CDKAL1: variants seen among roughly 807,000 people sequenced by gnomAD.
The protein encoded by CDKAL1 is CDKAL1 threonylcarbamoyladenosine tRNA methylthiotransferase.
A neutral mutation model predicts 68.2 loss-of-function variants in CDKAL1; 32 were observed. That is an observed-to-expected ratio of 0.47 (90% CI 0.35 to 0.63). The LOEUF (loss-of-function observed/expected upper bound fraction) is 0.63. CDKAL1 is among the 30% of genes least tolerant of loss of function. CDKAL1 has a pLI of 0.00. For synonymous variants in CDKAL1, 234 were observed against 244.3 expected (o/e 0.96, Z 0.39); for missense variants, 606 against 696.7 (o/e 0.87, Z 1.47).
chr6:21,118,183 C>G (rs1251865647), intron 13 of CDKAL1, among the ~76,000 whole-genome samples: 3 of 152,176 alleles, frequency 2.0e-5, no homozygotes, highest in Non-Finnish European at 4.4e-5. Flanking sequence ...TTCTTTGTAG[C>G]TGAAGTTGTT....
intron 15 of CDKAL1, among the ~76,000 whole-genome samples, chr6:21,225,579 C>T (rs1027844137): frequency 6.6e-6 from 1 of 152,130 alleles, no homozygotes; most frequent in Non-Finnish European, 1.5e-5. Context: ...ACTTCTATTC[C>T]TTCTGATAAC....
intron 5 of CDKAL1, among the ~76,000 whole-genome samples, chr6:20,714,236 C>G (rs1053019831): frequency 1.3e-5 from 2 of 151,550 alleles, no homozygotes; most frequent in Non-Finnish European, 2.9e-5. Context: ...AGATAATAGT[C>G]TAAGGCTATT....
At chr6:20,916,941 G>A (rs1215899429) in intron 9 of CDKAL1, among the ~76,000 whole-genome samples, 2 of 152,020 alleles carry the variant, frequency 1.3e-5, no homozygotes, top group African/African-American at 4.8e-5. Context: ...TGTTGTTACT[G>A]AAGTATTATA....
chr6:21,198,757 C>T (rs1778569162), intron 14 of CDKAL1, among the ~76,000 whole-genome samples: 1 of 152,222 alleles, frequency 6.6e-6, no homozygotes, highest in South Asian at 2.1e-4. Flanking sequence ...ACTAGCCCTC[C>T]TTCCCTGGCC....
At chr6:20,605,762 TGGC>T (rs2127717048) in intron 4 of CDKAL1, among the ~76,000 whole-genome samples, 1 of 152,310 alleles carries the variant, frequency 6.6e-6, no homozygotes, top group South Asian at 2.1e-4. Flanking sequence ...TTTTCATGAC[TGGC>T]TGGTAAGAAC....
intron 9 of CDKAL1, among the ~76,000 whole-genome samples, chr6:20,946,114 T>C (rs1040458048): frequency 6.6e-6 from 1 of 152,200 alleles, no homozygotes; most frequent in Non-Finnish European, 1.5e-5. Context: ...AGTGCATTGT[T>C]TATCAACATG....
chr6:20,895,357 G>T (rs1232223910), intron 9 of CDKAL1, among the ~76,000 whole-genome samples: 1 of 152,108 alleles, frequency 6.6e-6, no homozygotes, highest in African/African-American at 2.4e-5. Flanking sequence ...GTTACTTCAG[G>T]ATTCCTTACC....
intron 8 of CDKAL1, among the ~76,000 whole-genome samples, chr6:20,793,961 A>G (rs904823707): frequency 1.3e-5 from 2 of 151,084 alleles, no homozygotes; most frequent in Non-Finnish European, 3.0e-5. Flanking sequence ...TGGCTTGCCT[A>G]ATTTCTTAGT....
intron 13 of CDKAL1, among the ~76,000 whole-genome samples, chr6:21,119,698 A>G (rs925531107): frequency 6.6e-6 from 1 of 151,884 alleles, no homozygotes; most frequent in African/African-American, 2.4e-5. Flanking sequence ...TATCCCACCT[A>G]CTTTTGCATT....
At chr6:20,915,587 T>C (rs562573606) in intron 9 of CDKAL1, among the ~76,000 whole-genome samples, 1 of 152,326 alleles carries the variant, frequency 6.6e-6, no homozygotes, top group African/African-American at 2.4e-5. Context: ...TTTTATGACA[T>C]CTGGTCTGGT....
At position 21,142,473 on chromosome 6, in the gene CDKAL1, ATGTACCCTCCATTC is replaced by A. The variant is rs1418124710; in HGVS notation, c.1299+34013_1299+34026del. Among the ~76,000 whole-genome samples the A allele has an allele frequency of 2.6e-5, 4 of 152,312 alleles. No individual in the cohort carries two copies. The East Asian group carries it at 7.7e-4, about 29-fold the overall frequency. ...CCTCCTGGTGGACTGGTGGCCACCA[ATGTACCCTCCATTC>A]TGATGATGATGAGCTCAAGAACTAA... is the stretch of plus-strand genomic sequence containing the variant. On this transcript the variant is annotated intron_variant, in intron 13 of 15. Transcript: ENST00000274695.
chr6:21,144,774 G>A (rs189539573), intron 13 of CDKAL1, among the ~76,000 whole-genome samples: 2 of 152,148 alleles, frequency 1.3e-5, no homozygotes, highest in Non-Finnish European at 2.9e-5. Flanking sequence ...TTGCACTCCA[G>A]CCTGGGTGAC....
rs139360277 is a variant in CDKAL1, at chr6:20,731,948, A to G, written c.372-7571A>G. Among the ~76,000 whole-genome samples, 643 of 152,288 alleles carry G rather than the reference A, an allele frequency of 4.2e-3. 8 individuals are homozygous for G. The highest frequency in any genetic ancestry group is 0.015 in the African/African-American group (610 of 41,568). ...TCTCTCCCCTTACCTTGCTGCCAGGACATCTGGTGAAAGATTTCCAGGGAG... is the reference window on the plus strand; with the variant it reads ...TCTCTCCCCTTACCTTGCTGCCAGGGCATCTGGTGAAAGATTTCCAGGGAG... On this transcript the variant is annotated intron_variant, in intron 5 of 15. Transcript: ENST00000274695.
chr6:20,628,069 T>C (rs1767510576), intron 4 of CDKAL1, among the ~76,000 whole-genome samples: 1 of 152,174 alleles, frequency 6.6e-6, no homozygotes, highest in African/African-American at 2.4e-5. Context: ...TCATTTCCAA[T>C]CTATATGCAT....
intron 8 of CDKAL1, among the ~76,000 whole-genome samples, chr6:20,783,710 T>G (rs1177151969): frequency 2.0e-5 from 3 of 152,198 alleles, no homozygotes; most frequent in Non-Finnish European, 4.4e-5. Flanking sequence ...GTATCCTGAT[T>G]ATGGCACTTT....
chr6:21,138,835 A>G (rs1461792343), intron 13 of CDKAL1, among the ~76,000 whole-genome samples: 9 of 152,200 alleles, frequency 5.9e-5, no homozygotes, highest in African/African-American at 9.7e-5. Context: ...ATGAGGTCAA[A>G]GTCAGGTCCC....
At chr6:21,058,351 T>C (rs1770949779) in intron 11 of CDKAL1, among the ~76,000 whole-genome samples, 1 of 152,264 alleles carries the variant, frequency 6.6e-6, no homozygotes, top group Non-Finnish European at 1.5e-5. Context: ...TTTTTGCTGC[T>C]TTCCATTTGC....
chr6:20,889,494 T>C lies in CDKAL1; in HGVS notation c.742+43316T>C, dbSNP rs570820160. ...TGCCTAGGTTTTCTTCTAGGGTTTT[T>C]ATGGTTTTAGGTCTAACATGTAAGT... is the stretch of plus-strand genomic sequence containing the variant. On this transcript the variant is annotated intron_variant, in intron 9 of 15. Transcript: ENST00000274695. Among the ~76,000 whole-genome samples the C allele has an allele frequency of 6.6e-5, 10 of 152,290 alleles. No homozygotes were observed. The South Asian group carries it at 2.1e-3, about 32-fold the overall frequency.
chr6:20,985,118 A>G (rs983054787), intron 10 of CDKAL1, among the ~76,000 whole-genome samples: 3 of 152,122 alleles, frequency 2.0e-5, no homozygotes, highest in African/African-American at 7.2e-5. Flanking sequence ...ACTTGTAATT[A>G]TACATATTTA....
Sources: gnomAD v4.1 joint callset for allele counts (sites outside exome capture counted in the v4.1 genomes callset) on GRCh38, gnomAD v4.1.1 for gene constraint, MANE v1.5 for transcripts, NCBI Gene and HGNC (gene_info 2026-07-23, HGNC 2026-07-21) for gene names.